The following PDCD6 variants were observed in gnomAD, a reference collection of about 807,000 sequenced individuals.
PDCD6 encodes programmed cell death 6.
Under a neutral mutation model 28.3 loss-of-function variants are expected in PDCD6, and 12 were observed. The ratio of observed to expected loss-of-function variants is 0.42; its 90% CI spans 0.27 to 0.69. PDCD6 has a LOEUF of 0.69. Ranked by LOEUF, PDCD6 falls within the 30% of genes least tolerant of loss-of-function variation. PDCD6 has a pLI of 0.22. For missense variants in PDCD6, 226 were observed against 269.9 expected (o/e 0.84, Z 1.14); for synonymous variants, 92 against 108.0 (o/e 0.85, Z 0.92).
Position 311,420 on chromosome 5 carries a change from C to T in PDCD6, c.477+18C>T, listed in dbSNP as rs773182042. The T allele has an allele frequency of 1.5e-5, 24 of 1,575,898 alleles. No individual in the cohort carries two copies. Among genetic ancestry groups the T allele is most frequent in the South Asian group, 3.3e-5 (3 of 90,122 alleles). On this transcript the variant is annotated intron_variant, in intron 5 of 5. Coordinates refer to ENST00000264933, the MANE Select transcript of PDCD6 (RefSeq NM_013232.4). Reference sequence around the variant, plus strand: ...TCCTGCAGGTGACGGAATGGCTTCACGTGGGTTTGTGGTGGTGGTGGGAGG... The same window carrying T: ...TCCTGCAGGTGACGGAATGGCTTCATGTGGGTTTGTGGTGGTGGTGGGAGG...
intron 2 of PDCD6, among the ~76,000 whole-genome samples, chr5:298,085 CAG>C (rs1301349554): frequency 6.6e-6 from 1 of 152,156 alleles, no homozygotes; most frequent in African/African-American, 2.4e-5. Flanking sequence ...CTATCGATAT[CAG>C]GGAGTAATTT....
rs534145348 is a variant in PDCD6 at position 292,033 on chromosome 5, C to T, written c.164-12144C>T. ...ACCGTTCTTAGCAGGGCGTGGTGTTCCTGCTTCTCTCCATTCTCCCCAACA... is the reference window on the plus strand; with the variant it reads ...ACCGTTCTTAGCAGGGCGTGGTGTTTCTGCTTCTCTCCATTCTCCCCAACA... On this transcript the variant is annotated intron_variant, in intron 2 of 5. Transcript: ENST00000264933. Among the ~76,000 whole-genome samples, 238 of 152,278 alleles carry T rather than the reference C, an allele frequency of 1.6e-3. 1 individual carries two copies. The highest frequency in any genetic ancestry group is 2.7e-3 in the Non-Finnish European group (185 of 68,032).
rs369323059 is a variant in PDCD6, at chr5:302,070, CTGTGTGTGTG to C, written c.164-2078_164-2069del. ...GGAGGGCGGATCATTGAGTGCTGCT[CTGTGTGTGTG>C]TGTGTGTGTGTGTGTGTGTGTGTGT... On this transcript the variant is annotated intron_variant, in intron 2 of 5. Transcript: ENST00000264933. Among the ~76,000 whole-genome samples the C allele has an allele frequency of 4.7e-3, 272 of 57,750 alleles. 7 individuals carry two copies. Among genetic ancestry groups the C allele is most frequent in the Admixed American group, 0.011 (57 of 5,038 alleles). 37.9% of individuals were successfully genotyped at this position (57,750 alleles called of 152,430 possible). A position where few individuals can be genotyped will look rare whatever the true frequency, so the allele number is the denominator to read the frequency against.
At chr5:297,420 G>T (rs1287997589) in intron 2 of PDCD6, among the ~76,000 whole-genome samples, 1 of 152,200 alleles carries the variant, frequency 6.6e-6, no homozygotes, top group Admixed American at 6.5e-5. Flanking sequence ...AGCCATGTAG[G>T]CGATAGATTT....
chr5:282,050 A>T (rs1361347659), intron 2 of PDCD6, among the ~76,000 whole-genome samples: 1 of 149,656 alleles, frequency 6.7e-6, no homozygotes, highest in Non-Finnish European at 1.5e-5. Context: ...ATAGGAGCTG[A>T]TGTTGTAGTT....
Position 305,007 on chromosome 5 carries a change from A to G in PDCD6, c.208+786A>G, listed in dbSNP as rs1331018685. 1 of 152,040 alleles carries G rather than the reference A, an allele frequency of 6.6e-6. No individual in the cohort carries two copies. Among genetic ancestry groups the G allele is most frequent in the African/African-American group, 2.4e-5 (1 of 41,378 alleles). 9.4% of individuals were successfully genotyped at this position (152,040 alleles called of 1,614,324 possible). ...ATGCCCAGACGGTAGCCGGGGTGTG[A>G]GCTGAGGCTCCAGGCGCAGGCAGGT... On this transcript the variant is annotated intron_variant, in intron 3 of 5. Transcript: ENST00000264933. This position sits in a 1 kb window ranked among gnomAD's most constrained non-coding sequence, Gnocchi z 4.0.
At chr5:282,620 G>A (rs1738651529) in intron 2 of PDCD6, among the ~76,000 whole-genome samples, 1 of 151,780 alleles carries the variant, frequency 6.6e-6, no homozygotes, top group South Asian at 2.1e-4. Context: ...AGGAGCTGAT[G>A]TTCTAGATTG....
At chr5:299,739 TG>T (rs1739916458) in intron 2 of PDCD6, among the ~76,000 whole-genome samples, 1 of 152,132 alleles carries the variant, frequency 6.6e-6, no homozygotes, top group Non-Finnish European at 1.5e-5. Flanking sequence ...TTAGTAGAGA[TG>T]GGGTTTCACC....
intron 4 of PDCD6, 46 bp from the exon 5 acceptor site, chr5:311,247 T>G (rs1368225763): frequency 7.0e-7 from 1 of 1,434,744 alleles, no homozygotes; most frequent in South Asian, 1.2e-5. Context: ...GGCACATACC[T>G]CCCGTCTCTC....
At chr5:301,980 T>C (rs1473874897) in intron 2 of PDCD6, among the ~76,000 whole-genome samples, 2 of 149,172 alleles carry the variant, frequency 1.3e-5, no homozygotes, top group African/African-American at 2.5e-5. Flanking sequence ...CTGCTGTGTG[T>C]GTATGCCTCG....
intron 2 of PDCD6, among the ~76,000 whole-genome samples, chr5:297,048 C>T (rs1739662939): frequency 6.6e-6 from 1 of 152,238 alleles, no homozygotes; most frequent in African/African-American, 2.4e-5. Flanking sequence ...GTGTCTGGTG[C>T]TCGGCGCTGG....
At chr5:312,777 TCCA>T (rs1741005081) in intron 5 of PDCD6, among the ~76,000 whole-genome samples, 1 of 152,048 alleles carries the variant, frequency 6.6e-6, no homozygotes, top group Non-Finnish European at 1.5e-5. Flanking sequence ...ACCACTGCAC[TCCA>T]GCCTGGGTGA....
intron 2 of PDCD6, among the ~76,000 whole-genome samples, chr5:303,096 G>T (rs903411928): frequency 6.6e-6 from 1 of 152,162 alleles, no homozygotes; most frequent in Non-Finnish European, 1.5e-5. Flanking sequence ...GGGTGTGTGT[G>T]TCTTAGGAGG....
intron 2 of PDCD6, chr5:290,181 A>G: frequency 1.9e-6 from 3 of 1,591,530 alleles, no homozygotes; most frequent in Non-Finnish European, 2.6e-6. Context: ...TGAAAATAAA[A>G]TAGCCTTTAA....
chr5:274,479 G>A (rs2126678046), intron 2 of PDCD6, among the ~76,000 whole-genome samples: 1 of 152,310 alleles, frequency 6.6e-6, no homozygotes, highest in East Asian at 1.9e-4. Flanking sequence ...TTACTGGGAG[G>A]GAGTATTGAG....
At chr5:278,986 G>A (rs570298902) in intron 2 of PDCD6, among the ~76,000 whole-genome samples, 9 of 152,120 alleles carry the variant, frequency 5.9e-5, no homozygotes, top group East Asian at 5.8e-4. Flanking sequence ...CGGTTGTTTC[G>A]CGCCAAGCTA....
intron 4 of PDCD6, chr5:308,658 A>C (rs1740689436): frequency 6.6e-6 from 1 of 152,178 alleles, no homozygotes; most frequent in Non-Finnish European, 1.5e-5. Context: ...AGAAGCAAAA[A>C]TTCTTCTTTT....
At chr5:288,292 T>TTG (rs1554006389) in intron 2 of PDCD6, among the ~76,000 whole-genome samples, 1 of 107,110 alleles carries the variant, frequency 9.3e-6, no homozygotes. Context: ...AATATATATA[T>TTG]TATATATATA....
chr5:314,318 C>G, intron 5 of PDCD6, 99 bp from the exon 6 acceptor site: 1 of 790,518 alleles, frequency 1.3e-6, no homozygotes, highest in Admixed American at 2.0e-5. Flanking sequence ...GCCCAGAAGA[C>G]GTGTGTGCTT....
Sources: allele counts gnomAD v4.1 joint callset (sites outside exome capture counted in the v4.1 genomes callset), GRCh38; gene constraint gnomAD v4.1.1; non-coding constraint Gnocchi (gnomAD v3.1); transcripts MANE v1.5; gene names NCBI Gene and HGNC (gene_info 2026-07-23, HGNC 2026-07-21).